Variants in NUCB2 observed in about 807,000 individuals in gnomAD.
NUCB2 encodes the protein nucleobindin 2.
In NUCB2, 48 loss-of-function variants were observed where a neutral mutation model predicts 57.9. The observed-to-expected ratio is 0.83, with a 90% CI of 0.66 to 1.05. NUCB2 has a LOEUF of 1.05. Among genes scored for constraint, NUCB2 ranks in the 50% least tolerant of loss-of-function variants. NUCB2 has a pLI of 0.00. For synonymous variants in NUCB2, 139 were observed against 152.1 expected (o/e 0.91, Z 0.64); for missense variants, 442 against 476.2 (o/e 0.93, Z 0.67).
chr11:17,288,315 T>C (rs1381820419), intron 2 of NUCB2, among the ~76,000 whole-genome samples: 2 of 152,122 alleles, frequency 1.3e-5, no homozygotes, highest in Admixed American at 6.6e-5. Flanking sequence ...TAGTATACAA[T>C]GGTGTGTCTT....
At chr11:17,326,205 G>C (rs541850884) in intron 11 of NUCB2, among the ~76,000 whole-genome samples, 30 of 151,382 alleles carry the variant, frequency 2.0e-4, no homozygotes, top group Non-Finnish European at 3.2e-4. Context: ...TCTCCATGTT[G>C]GTCAGGCTGG....
At chr11:17,304,022 G>A (rs1305889186) in intron 5 of NUCB2, among the ~76,000 whole-genome samples, 1 of 151,272 alleles carries the variant, frequency 6.6e-6, no homozygotes, top group Non-Finnish European at 1.5e-5. Context: ...TCTGTAACAC[G>A]ATAAGCTATA....
At chr11:17,329,890 C>G (rs1264195684) in intron 11 of NUCB2, among the ~76,000 whole-genome samples, 1 of 152,212 alleles carries the variant, frequency 6.6e-6, no homozygotes, top group Admixed American at 6.5e-5. Context: ...CCAGTTCTCA[C>G]TCTTTGCCTT....
chr11:17,340,467 G>A (rs1952166278), intron 2 of NUCB2, among the ~76,000 whole-genome samples: 1 of 152,138 alleles, frequency 6.6e-6, no homozygotes, highest in Non-Finnish European at 1.5e-5. Context: ...TTCTTCTAGG[G>A]TTTTTATGGT....
At chr11:17,332,306 G>A (rs757614741), downstream of NUCB2, 2 of 151,800 alleles carry the variant, frequency 1.3e-5, no homozygotes, top group Admixed American at 6.6e-5. Context: ...CTTATGTTTC[G>A]ACCAGAACTG....
At chr11:17,304,073 A>G (rs371840717) in intron 5 of NUCB2, among the ~76,000 whole-genome samples, 1 of 152,162 alleles carries the variant, frequency 6.6e-6, no homozygotes, top group African/African-American at 2.4e-5. Flanking sequence ...AAGCACAAGT[A>G]TGTATCCTGA....
intron 5 of NUCB2, among the ~76,000 whole-genome samples, chr11:17,303,897 A>AG (rs1054069531): frequency 5.3e-5 from 8 of 152,028 alleles, no homozygotes; most frequent in Non-Finnish European, 1.0e-4. Flanking sequence ...AAAAAAAAAA[A>AG]AAAAAGAAAA....
intron 11 of NUCB2, among the ~76,000 whole-genome samples, chr11:17,325,812 C>CT (rs150936624): frequency 0.12 from 17,644 of 151,840 alleles, 2,226 homozygotes; most frequent in African/African-American, 0.32. Context: ...TAATTTCTTG[C>CT]TTTTTTTGTG....
intron 2 of NUCB2, among the ~76,000 whole-genome samples, chr11:17,341,492 C>T (rs1952261499): frequency 6.6e-6 from 1 of 152,036 alleles, no homozygotes; most frequent in Non-Finnish European, 1.5e-5. Context: ...TATGTCCCAT[C>T]AATACCTAAT....
chr11:17,321,350 A>G (rs965891313), intron 11 of NUCB2, among the ~76,000 whole-genome samples: 7 of 152,010 alleles, frequency 4.6e-5, no homozygotes, highest in Non-Finnish European at 2.9e-5. Context: ...GGAACATGTG[A>G]TATTTGTCTT....
chr11:17,333,440 C>T (rs1349319622), downstream of NUCB2: 1 of 152,298 alleles, frequency 6.6e-6, no homozygotes, highest in East Asian at 1.9e-4. Flanking sequence ...GTTTCTTGGC[C>T]AAGTGGATTC....
In NUCB2 at chr11:17,302,182, C is replaced by T. The variant is rs1427930264; in HGVS notation, c.379+312C>T. Among the ~76,000 whole-genome samples the T allele has an allele frequency of 4.6e-5, 7 of 152,198 alleles. No individual in the cohort carries two copies. In the East Asian group the frequency reaches 9.6e-4, roughly 21 times the overall value. Reference sequence around the variant, plus strand: ...AGCTGGGATTACAGGCATGAGCTGGCGGGCCTGGCTAGAAAATTTTAACAT... The same window carrying T: ...AGCTGGGATTACAGGCATGAGCTGGTGGGCCTGGCTAGAAAATTTTAACAT... On this transcript the variant is annotated intron_variant, in intron 5 of 13. Coordinates refer to ENST00000529010, the MANE Select transcript of NUCB2 (RefSeq NM_005013.4).
intron 2 of NUCB2, among the ~76,000 whole-genome samples, chr11:17,348,999 C>T (rs1351398589): frequency 3.3e-5 from 5 of 152,044 alleles, no homozygotes; most frequent in Non-Finnish European, 5.9e-5. Flanking sequence ...AGGCTGGTCT[C>T]GAACTCCTGA....
rs201631191 is a variant in NUCB2 at position 17,315,434 on chromosome 11, G to A, written c.961G>A (p.Ala321Thr). 1 of 1,612,070 alleles carries A rather than the reference G, an allele frequency of 6.2e-7. No homozygotes were observed. The highest frequency in any genetic ancestry group is 8.5e-7 in the Non-Finnish European group (1 of 1,178,690). Residue 321 changes from alanine to threonine, a missense_variant, in exon 11 of 14, where the codon GCC becomes ACC. Transcript: ENST00000529010. ...RLVTLEEFLK[A>T]TEKKEFLEPD... The stretch of plus-strand genomic sequence containing the variant: ...GGTGACTCTGGAGGAGTTTTTGAAA[G>A]CCACAGAAAAAAAAGAATTCTTGGA...
At chr11:17,308,799 A>G (rs1401100817) in intron 5 of NUCB2, among the ~76,000 whole-genome samples, 1 of 152,174 alleles carries the variant, frequency 6.6e-6, no homozygotes. Flanking sequence ...ATTTACCTAA[A>G]TTAGATTTTT....
intron 1 of NUCB2, among the ~76,000 whole-genome samples, chr11:17,282,214 CTA>C (rs3064041): frequency 0.29 from 30,862 of 105,348 alleles, 4,619 homozygotes; most frequent in East Asian, 0.53. Context: ...ATATCTATAT[CTA>C]TATCTATCTA....
At chr11:17,286,912 A>T (rs1474106033) in intron 2 of NUCB2, among the ~76,000 whole-genome samples, 1 of 152,124 alleles carries the variant, frequency 6.6e-6, no homozygotes, top group East Asian at 1.9e-4. Flanking sequence ...ATGTGCTGGA[A>T]TACTTACCAT....
intron 2 of NUCB2, among the ~76,000 whole-genome samples, chr11:17,292,453 G>C (rs1945095769): frequency 6.6e-6 from 1 of 152,236 alleles, no homozygotes; most frequent in African/African-American, 2.4e-5. Flanking sequence ...TTCAAATGTT[G>C]GCATGTATCA....
intron 1 of NUCB2, among the ~76,000 whole-genome samples, chr11:17,282,236 C>CTATCTATATATATA (rs370686689): frequency 2.9e-5 from 3 of 104,084 alleles, no homozygotes; most frequent in Non-Finnish European, 6.3e-5. Flanking sequence ...ATCTATCTAT[C>CTATCTATATATATA]TATATATATA....
Sources: gnomAD v4.1 joint callset for allele counts (sites outside exome capture counted in the v4.1 genomes callset) on GRCh38, gnomAD v4.1.1 for gene constraint, MANE v1.5 for transcripts, NCBI Gene and HGNC (gene_info 2026-07-23, HGNC 2026-07-21) for gene names.